COG5: variants seen among roughly 807,000 people sequenced by gnomAD.
The protein encoded by COG5 is component of oligomeric golgi complex 5.
In COG5, 86 loss-of-function variants were observed where a neutral mutation model predicts 110.4. The observed-to-expected ratio is 0.78, with a 90% CI of 0.65 to 0.93. The LOEUF (loss-of-function observed/expected upper bound fraction) is 0.93, where lower values mean the gene tolerates loss of function less well. Ranked by LOEUF, COG5 falls within the 40% of genes least tolerant of loss-of-function variation. COG5 has a pLI of 0.00. For synonymous variants in COG5, 360 were observed against 334.6 expected (o/e 1.08, Z -0.83); for missense variants, 1,077 against 987.0 (o/e 1.09, Z -1.22).
intron 18 of COG5, among the ~76,000 whole-genome samples, chr7:107,233,605 T>C (rs1194943809): frequency 6.6e-6 from 1 of 152,216 alleles, no homozygotes; most frequent in Non-Finnish European, 1.5e-5. Flanking sequence ...ATAGGTCCCT[T>C]CTTGAGCTCT....
intron 17 of COG5, among the ~76,000 whole-genome samples, chr7:107,246,350 C>A (rs1802057011): frequency 1.3e-5 from 2 of 152,110 alleles, no homozygotes; most frequent in South Asian, 4.1e-4. Flanking sequence ...CAATAAAAGG[C>A]AAAATTGCCA....
intron 6 of COG5, among the ~76,000 whole-genome samples, chr7:107,521,041 G>C (rs1336626529): frequency 6.6e-6 from 1 of 152,110 alleles, no homozygotes; most frequent in Non-Finnish European, 1.5e-5. Flanking sequence ...CAAGCAATGG[G>C]GAAAAGATTC....
In COG5 at chr7:107,385,568, A is replaced by G. The variant is rs1406373102; in HGVS notation, c.670-12808T>C. On this transcript the variant is annotated intron_variant, in intron 7 of 21. Coordinates refer to ENST00000297135, the MANE Select transcript of COG5 (RefSeq NM_006348.5). ...CTGATGTACATTACAACACGGATAAACCTTGAGGACATTTTGCTAAGTGAA... is the reference window on the plus strand; with the variant it reads ...CTGATGTACATTACAACACGGATAAGCCTTGAGGACATTTTGCTAAGTGAA... 2.0e-5 allele frequency among the ~76,000 whole-genome samples: 3 copies of G among 152,184 alleles called. No individual in the cohort carries two copies. The East Asian group carries it at 5.8e-4, about 29-fold the overall frequency.
At chr7:107,370,300 C>T (rs894336349) in intron 8 of COG5, among the ~76,000 whole-genome samples, 30 of 152,024 alleles carry the variant, frequency 2.0e-4, no homozygotes, top group African/African-American at 7.0e-4. Context: ...AATAATCTTA[C>T]ACTTATAAAA....
chr7:107,217,531 T>C (rs77444901), intron 19 of COG5, among the ~76,000 whole-genome samples: 2,221 of 152,200 alleles, frequency 0.015, 58 homozygotes, highest in African/African-American at 0.051. Context: ...TTAAGAGGAT[T>C]ATTCACAATG....
At chr7:107,378,891 G>T (rs1814859359) in intron 7 of COG5, among the ~76,000 whole-genome samples, 1 of 152,136 alleles carries the variant, frequency 6.6e-6, no homozygotes, top group African/African-American at 2.4e-5. Flanking sequence ...TAGCAAGACA[G>T]GCCAATATTC....
chr7:107,406,866 G>A (rs1398568339), intron 7 of COG5, among the ~76,000 whole-genome samples: 2 of 152,048 alleles, frequency 1.3e-5, no homozygotes, highest in East Asian at 3.9e-4. Context: ...ATTTTAGGTA[G>A]TATATATACA....
chr7:107,391,111 G>T (rs1048763547), intron 7 of COG5, among the ~76,000 whole-genome samples: 1 of 151,696 alleles, frequency 6.6e-6, no homozygotes, highest in Non-Finnish European at 1.5e-5. Flanking sequence ...GAGGGGGGAG[G>T]GTCGGCAACG....
At chr7:107,255,498 C>T (rs1007534043) in intron 16 of COG5, among the ~76,000 whole-genome samples, 20 of 151,974 alleles carry the variant, frequency 1.3e-4, no homozygotes, top group Admixed American at 1.2e-3. Context: ...AGCTCCCTTC[C>T]CCTTTAGGAT....
At chr7:107,237,288 G>A (rs118166954) in intron 17 of COG5, among the ~76,000 whole-genome samples, 3,392 of 152,236 alleles carry the variant, frequency 0.022, 57 homozygotes, top group Non-Finnish European at 0.035. Context: ...ATCAACAAAT[G>A]ATACCAGCTG....
At chr7:107,462,611 T>TTA (rs571634682) in intron 6 of COG5, among the ~76,000 whole-genome samples, 8 of 112,110 alleles carry the variant, frequency 7.1e-5, no homozygotes, top group African/African-American at 2.2e-4. Context: ...GAAAAATGCC[T>TTA]AAAAAAAAAA....
At chr7:107,463,528 A>T (rs1796125004) in intron 6 of COG5, among the ~76,000 whole-genome samples, 1 of 152,226 alleles carries the variant, frequency 6.6e-6, no homozygotes, top group South Asian at 2.1e-4. Flanking sequence ...TCATAGTGTA[A>T]GAACATAAAA....
At chr7:107,560,178 C>T (rs1803664553) in intron 1 of COG5, among the ~76,000 whole-genome samples, 1 of 152,144 alleles carries the variant, frequency 6.6e-6, no homozygotes, top group African/African-American at 2.4e-5. Flanking sequence ...TTAAAATCTA[C>T]GATGGTGAGA....
rs553172063 is a variant in COG5 at position 107,480,346 on chromosome 7, C to T, written c.538+46891G>A. Among the ~76,000 whole-genome samples, 11 of 152,186 alleles carry T rather than the reference C, an allele frequency of 7.2e-5. No homozygotes were observed. In the South Asian group the frequency reaches 1.7e-3, roughly 23 times the overall value. On this transcript the variant is annotated intron_variant, in intron 6 of 21. Transcript: ENST00000297135. The stretch of plus-strand genomic sequence containing the variant: ...ATAAGAAAACTAAAGTAAACTTTGA[C>T]CAACTATTTTCTTTGTATCTCAGAT...
chr7:107,412,746 G>A lies in COG5; in HGVS notation c.539-114C>T. The A allele has an allele frequency of 5.9e-6, 4 of 678,412 alleles. No individual in the cohort carries two copies. The South Asian group carries it at 7.6e-5, about 13-fold the overall frequency. The allele number at this position is 678,412 out of a possible 1,614,324, so 42.0% of individuals were successfully genotyped here. A position where few individuals can be genotyped will look rare whatever the true frequency, so the allele number is the denominator to read the frequency against. ...AAAACAAAAAACGCTATTAAACAGG[G>A]TTGCCATTCAAAATCCGTATTTTAA... On this transcript the variant is annotated intron_variant, in intron 6 of 21. Transcript: ENST00000297135.
chr7:107,510,462 A>C (rs1005455469), intron 6 of COG5, among the ~76,000 whole-genome samples: 7 of 152,148 alleles, frequency 4.6e-5, no homozygotes, highest in Admixed American at 6.6e-5. Flanking sequence ...GACTTTAACA[A>C]CCCACTGTCA....
At chr7:107,502,062 TTACA>T (rs1392322329) in intron 6 of COG5, among the ~76,000 whole-genome samples, 1 of 152,138 alleles carries the variant, frequency 6.6e-6, no homozygotes, top group East Asian at 1.9e-4. Context: ...GTGGTTGTGA[TTACA>T]TAAATAAATT....
intron 11 of COG5, among the ~76,000 whole-genome samples, chr7:107,314,912 G>T (rs1225920120): frequency 6.6e-6 from 1 of 152,140 alleles, no homozygotes; most frequent in African/African-American, 2.4e-5. Flanking sequence ...TTTCCTAAAA[G>T]ATCCCTCTTA....
At chr7:107,479,375 G>C (rs1797181979) in intron 6 of COG5, among the ~76,000 whole-genome samples, 1 of 151,966 alleles carries the variant, frequency 6.6e-6, no homozygotes, top group African/African-American at 2.4e-5. Context: ...GTGAAAAAAT[G>C]AGCTTCAAAA....
Sources: gnomAD v4.1 joint callset for allele counts (sites outside exome capture counted in the v4.1 genomes callset) on GRCh38, gnomAD v4.1.1 for gene constraint, MANE v1.5 for transcripts, NCBI Gene and HGNC (gene_info 2026-07-23, HGNC 2026-07-21) for gene names.